SAMD12: variants seen among roughly 807,000 people sequenced by gnomAD.
The protein encoded by SAMD12 is sterile alpha motif domain-containing protein 12.
In SAMD12, 9 loss-of-function variants were observed where a neutral mutation model predicts 15.0. That is an observed-to-expected ratio of 0.60 (90% confidence interval 0.36 to 1.05). SAMD12 has a LOEUF of 1.05. SAMD12 is among the 50% of genes least tolerant of loss of function. SAMD12 has a pLI of 0.01. For synonymous variants in SAMD12, 86 were observed against 90.1 expected (o/e 0.96, Z 0.25); for missense variants, 230 against 234.2 (o/e 0.98, Z 0.12).
chr8:118,472,396 G>C (rs1258911560), intron 2 of SAMD12, among the ~76,000 whole-genome samples: 2 of 152,074 alleles, frequency 1.3e-5, no homozygotes, highest in Non-Finnish European at 2.9e-5. Flanking sequence ...GTTTCAATAA[G>C]TATAAAGAGG....
Position 118,552,574 on chromosome 8 carries a change from A to G in SAMD12, c.192+28141T>C, listed in dbSNP as rs997336879. ...CTATGACAAACCCACAGCCAGTATC[A>G]TATTGAATGGGCAAAAACTGGAAGC... On this transcript the variant is annotated intron_variant, in intron 2 of 3. Transcript: ENST00000314727. Among the ~76,000 whole-genome samples the G allele has an allele frequency of 2.0e-5, 3 of 152,364 alleles. No individual in the cohort carries two copies. In the South Asian group the frequency reaches 6.2e-4, roughly 32 times the overall value.
chr8:118,210,667 T>C (rs1037695256), intron 4 of SAMD12, among the ~76,000 whole-genome samples: 1 of 152,220 alleles, frequency 6.6e-6, no homozygotes, highest in African/African-American at 2.4e-5. Flanking sequence ...CTTCCATCCT[T>C]ATCCACAATG....
At chr8:118,489,625 T>C (rs1824384223) in intron 2 of SAMD12, among the ~76,000 whole-genome samples, 1 of 152,200 alleles carries the variant, frequency 6.6e-6, no homozygotes, top group Admixed American at 6.5e-5. Flanking sequence ...AAATCCTTCC[T>C]ATCAGGATGT....
chr8:118,491,859 T>G (rs745533397), intron 2 of SAMD12, among the ~76,000 whole-genome samples: 3 of 152,206 alleles, frequency 2.0e-5, no homozygotes, highest in Non-Finnish European at 4.4e-5. Context: ...TTGATAGATA[T>G]GAATTGTTTA....
intron 4 of SAMD12, among the ~76,000 whole-genome samples, chr8:118,229,939 A>C (rs1180316123): frequency 6.6e-6 from 1 of 151,310 alleles, no homozygotes; most frequent in Admixed American, 6.6e-5. Flanking sequence ...GAAATACAAC[A>C]CCTCCTCCTG....
chr8:118,466,734 T>C (rs868421909), intron 2 of SAMD12, among the ~76,000 whole-genome samples: 6 of 152,190 alleles, frequency 3.9e-5, no homozygotes, highest in African/African-American at 1.2e-4. Context: ...TTAATATTAT[T>C]AGCCTAACAC....
At chr8:118,492,633 A>G (rs567140943) in intron 2 of SAMD12, among the ~76,000 whole-genome samples, 113 of 152,248 alleles carry the variant, frequency 7.4e-4, no homozygotes, top group African/African-American at 2.4e-3. Context: ...CACTTGTATT[A>G]TTACAGTGGG....
rs58498797 is a variant in SAMD12, at chr8:118,242,511, C to T, written c.434-44779G>A. Among the ~76,000 whole-genome samples the T allele has an allele frequency of 8.0e-3, 1,210 of 151,998 alleles. 14 individuals carry two copies. Among genetic ancestry groups the T allele is most frequent in the African/African-American group, 0.028 (1,162 of 41,432 alleles). On this transcript the variant is annotated intron_variant, in intron 4 of 4. Transcript: ENST00000409003. Reference sequence around the variant, plus strand: ...ATTATAGTATATTGCTATAATTGTCCTATTATATTAGTTGTTGTTAATCTT... The same window carrying T: ...ATTATAGTATATTGCTATAATTGTCTTATTATATTAGTTGTTGTTAATCTT...
At chr8:118,343,089 A>AC (rs1445868213) in intron 4 of SAMD12, among the ~76,000 whole-genome samples, 10 of 152,094 alleles carry the variant, frequency 6.6e-5, no homozygotes, top group Non-Finnish European at 1.0e-4. Context: ...CCTCATCTGT[A>AC]AGATGAGAAG....
chr8:118,477,710 AC>A (rs1301622491), intron 2 of SAMD12, among the ~76,000 whole-genome samples: 1 of 152,032 alleles, frequency 6.6e-6, no homozygotes, highest in Non-Finnish European at 1.5e-5. Flanking sequence ...GGCTGTGGGG[AC>A]CGAAAATTCT....
intron 2 of SAMD12, among the ~76,000 whole-genome samples, chr8:118,539,100 C>A (rs1311257972): frequency 2.0e-5 from 3 of 152,200 alleles, no homozygotes; most frequent in Non-Finnish European, 2.9e-5. Flanking sequence ...ACATTCAGCA[C>A]AAACGGCCTA....
At chr8:118,373,634 T>C (rs1243487407), downstream of SAMD12, among the ~76,000 whole-genome samples, 2 of 152,182 alleles carry the variant, frequency 1.3e-5, no homozygotes, top group East Asian at 1.9e-4. Flanking sequence ...GAAACACTAA[T>C]GTTTAATGAG....
chr8:118,447,148 C>T (rs1563865443), intron 2 of SAMD12, among the ~76,000 whole-genome samples: 1 of 151,996 alleles, frequency 6.6e-6, no homozygotes, highest in African/African-American at 2.4e-5. Flanking sequence ...ATAATTCTAC[C>T]CTCAAATGTA....
At chr8:118,152,458 A>ACCTT in the SAMD12 span, among the ~76,000 whole-genome samples, 23,434 of 114,052 alleles carry the variant, frequency 0.21, 2,369 homozygotes, top group African/African-American at 0.25. Context: ...CTCCCTCCCT[A>ACCTT]CCTTCCTTCC....
chr8:118,371,839 C>T (rs574427084), intron 4 of SAMD12, among the ~76,000 whole-genome samples: 1 of 152,038 alleles, frequency 6.6e-6, no homozygotes, highest in Non-Finnish European at 1.5e-5. Flanking sequence ...ACTAAGAGGA[C>T]CTACCCCCAG....
chr8:118,225,776 G>C (rs1042938425), intron 4 of SAMD12, among the ~76,000 whole-genome samples: 1 of 152,178 alleles, frequency 6.6e-6, no homozygotes, highest in East Asian at 1.9e-4. Context: ...TGCAGGGACA[G>C]GCCAAGCGCA....
the SAMD12 span, among the ~76,000 whole-genome samples, chr8:118,139,617 C>T: frequency 2.0e-5 from 3 of 152,272 alleles, no homozygotes; most frequent in African/African-American, 7.2e-5. Context: ...CTCAGCCTCC[C>T]AAGTAGTTGG....
intron 2 of SAMD12, among the ~76,000 whole-genome samples, chr8:118,564,658 T>C (rs1184586001): frequency 6.6e-6 from 1 of 152,210 alleles, no homozygotes; most frequent in Non-Finnish European, 1.5e-5. Flanking sequence ...TTCCTGCCTA[T>C]GAAGTGCTTA....
intron 2 of SAMD12, among the ~76,000 whole-genome samples, chr8:118,500,558 C>A (rs934577360): frequency 1.3e-5 from 2 of 151,984 alleles, no homozygotes; most frequent in Non-Finnish European, 2.9e-5. Flanking sequence ...GTAATCCCAG[C>A]ACTTTGGAAG....
Sources: allele counts gnomAD v4.1 joint callset (sites outside exome capture counted in the v4.1 genomes callset), GRCh38; gene constraint gnomAD v4.1.1; transcripts MANE v1.5; gene names NCBI Gene and HGNC (gene_info 2026-07-23, HGNC 2026-07-21).